Variants in PTPRJ observed in about 807,000 individuals in gnomAD.
The protein encoded by PTPRJ is protein tyrosine phosphatase receptor type J.
PTPRJ carries 129 observed loss-of-function variants against 141.3 expected under a neutral mutation model. The observed-to-expected ratio is 0.91, with a 90% confidence interval of 0.79 to 1.06. The LOEUF is 1.06. PTPRJ is among the 50% of genes least tolerant of loss of function. The pLI, the probability that PTPRJ is intolerant of heterozygous loss-of-function variation, is 0.00. For synonymous variants in PTPRJ, 610 were observed against 640.5 expected, an observed-to-expected ratio of 0.95 and a Z score of 0.72; for missense variants, 1,601 against 1,679.7, an observed-to-expected ratio of 0.95 and a Z score of 0.82.
At chr11:48,089,660 G>T (rs1187654083) in intron 1 of PTPRJ, among the ~76,000 whole-genome samples, 1 of 152,190 alleles carries the variant, frequency 6.6e-6, no homozygotes, top group East Asian at 1.9e-4. Context: ...TTGTCATAAT[G>T]TCCGTATATA....
intron 21 of PTPRJ, 107 bp from the exon 22 acceptor site, chr11:48,159,823 A>T: frequency 7.0e-7 from 1 of 1,425,550 alleles, no homozygotes; most frequent in Middle Eastern, 1.8e-4. Flanking sequence ...AGAAGGTCTG[A>T]TTCCATCTCT....
At chr11:48,081,421 A>G (rs1855554103) in intron 1 of PTPRJ, among the ~76,000 whole-genome samples, 1 of 152,190 alleles carries the variant, frequency 6.6e-6, no homozygotes, top group Admixed American at 6.5e-5. Flanking sequence ...TGGCAAGGCA[A>G]ACAGGGAGGA....
intron 1 of PTPRJ, among the ~76,000 whole-genome samples, chr11:48,066,335 T>C (rs1855080751): frequency 1.3e-5 from 2 of 152,238 alleles, no homozygotes; most frequent in South Asian, 4.1e-4. Flanking sequence ...CTTGGAAAGC[T>C]TGTGTATTTT....
intron 1 of PTPRJ, among the ~76,000 whole-genome samples, chr11:48,043,073 G>A (rs564336884): frequency 6.6e-6 from 1 of 152,194 alleles, no homozygotes; most frequent in Non-Finnish European, 1.5e-5. Context: ...CCCACAGAGT[G>A]GGCATTGACC....
At chr11:47,986,806 C>T (rs982645757) in intron 1 of PTPRJ, among the ~76,000 whole-genome samples, 2 of 152,188 alleles carry the variant, frequency 1.3e-5, no homozygotes, top group African/African-American at 2.4e-5. Context: ...TGAGCCACCA[C>T]GCCTGGCCCA....
At chr11:47,985,418 T>G (rs1352287900) in intron 1 of PTPRJ, among the ~76,000 whole-genome samples, 2 of 152,150 alleles carry the variant, frequency 1.3e-5, no homozygotes, top group Non-Finnish European at 2.9e-5. Flanking sequence ...AGTGTTGGGA[T>G]TACAGGCATG....
chr11:48,105,932 A>G (rs558665099), intron 1 of PTPRJ, among the ~76,000 whole-genome samples: 135 of 152,078 alleles, frequency 8.9e-4, no homozygotes, highest in African/African-American at 3.2e-3. Context: ...CGCTGCTGCT[A>G]CCCCAGGATT....
At chr11:48,145,881 G>A (rs1482546740) in intron 14 of PTPRJ, among the ~76,000 whole-genome samples, 2 of 152,018 alleles carry the variant, frequency 1.3e-5, no homozygotes, top group Non-Finnish European at 2.9e-5. Context: ...TTTTGAGACG[G>A]AGTGTTGCTC....
At chr11:48,040,524 T>G (rs1028241389) in intron 1 of PTPRJ, among the ~76,000 whole-genome samples, 29 of 152,200 alleles carry the variant, frequency 1.9e-4, no homozygotes, top group African/African-American at 6.8e-4. Context: ...AAAAATTATT[T>G]TTTGGCTCCT....
In PTPRJ at chr11:48,014,337, G is replaced by A. The variant is rs571744567; in HGVS notation, c.96+33329G>A. ...CAGGACTTAGAAGAAACTTAAATCT[G>A]TTGGTAACTCTTTAAGAGGGAAGGG... is the stretch of plus-strand genomic sequence containing the variant. On this transcript the variant is annotated intron_variant, in intron 1 of 24. Transcript: ENST00000418331. 2.6e-5 allele frequency: 4 copies of A among 152,304 alleles called. No individual in the cohort carries two copies. The East Asian group carries it at 5.8e-4, about 22-fold the overall frequency. 9.4% of individuals were successfully genotyped at this position (152,304 alleles called of 1,614,324 possible).
chr11:48,076,035 C>A (rs546520276), intron 1 of PTPRJ, among the ~76,000 whole-genome samples: 1 of 152,316 alleles, frequency 6.6e-6, no homozygotes, highest in East Asian at 1.9e-4. Context: ...CCCCCTACCC[C>A]AGCCAGGTAT....
At chr11:48,146,736 T>A (rs1329120104) in intron 14 of PTPRJ, 140 bp from the exon 15 acceptor site, 3 of 477,976 alleles carry the variant, frequency 6.3e-6, no homozygotes, top group Non-Finnish European at 1.2e-5. Flanking sequence ...TGTGTGCGCC[T>A]GTGTGTGTGT....
chr11:48,007,753 G>A (rs984780815), intron 1 of PTPRJ, among the ~76,000 whole-genome samples: 27 of 152,268 alleles, frequency 1.8e-4, no homozygotes, highest in African/African-American at 6.5e-4. Context: ...CAGCAAGCTG[G>A]TAGGAGCTGT....
chr11:48,012,971 G>A (rs576805515), intron 1 of PTPRJ, among the ~76,000 whole-genome samples: 15 of 151,884 alleles, frequency 9.9e-5, no homozygotes, highest in Non-Finnish European at 1.8e-4. Context: ...CGGGTGTGGT[G>A]GTGTGTGCCT....
chr11:47,988,156 CT>C (rs1298435580), intron 1 of PTPRJ, among the ~76,000 whole-genome samples: 1 of 152,118 alleles, frequency 6.6e-6, no homozygotes, highest in Non-Finnish European at 1.5e-5. Context: ...AGTATTAAAA[CT>C]TCATATCAAC....
chr11:48,167,324 G>C lies in PTPRJ; in HGVS notation c.3976G>C (p.Val1326Leu), dbSNP rs779273922. The C allele has an allele frequency of 6.2e-7, 1 of 1,614,102 alleles. No individual in the cohort carries two copies. Among genetic ancestry groups the C allele is most frequent in the East Asian group, 2.2e-5 (1 of 44,882 alleles). The change falls in exon 25 of 25, where the codon GTG (valine) becomes CTG (leucine). Residue 1326 changes from valine (V) to leucine (L), a missense_variant. Val to Leu is a conservative substitution (Grantham distance 32). Transcript: ENST00000418331. ...GACAATCTATGAAAACCTTGCGCCC[G>C]TGACCACATTTGGAAAGACCAATGG... Reference protein sequence around the residue: ...AMTIYENLAPVTTFGKTNGYI... With the variant: ...AMTIYENLAPLTTFGKTNGYI...
intron 1 of PTPRJ, among the ~76,000 whole-genome samples, chr11:48,104,541 T>C (rs1856239058): frequency 1.3e-5 from 2 of 152,212 alleles, no homozygotes; most frequent in Non-Finnish European, 2.9e-5. Context: ...AGTCTATTGT[T>C]ACCCATTGTG....
At chr11:48,078,795 GTTTTTTT>G (rs55980751) in intron 1 of PTPRJ, among the ~76,000 whole-genome samples, 7 of 96,280 alleles carry the variant, frequency 7.3e-5, no homozygotes, top group East Asian at 3.2e-4. Context: ...TCTGTAAATA[GTTTTTTT>G]TTTTTTTTTT....
intron 1 of PTPRJ, among the ~76,000 whole-genome samples, chr11:48,073,621 G>A (rs970923125): frequency 6.6e-6 from 1 of 151,360 alleles, no homozygotes. Context: ...TAGGACTTTT[G>A]GACTCATAGT....
Sources: allele counts gnomAD v4.1 joint callset (sites outside exome capture counted in the v4.1 genomes callset), GRCh38; gene constraint gnomAD v4.1.1; transcripts MANE v1.5; gene names NCBI Gene and HGNC (gene_info 2026-07-23, HGNC 2026-07-21).